Variants in CSMD3 observed in about 807,000 individuals in gnomAD.
CSMD3 encodes CUB and Sushi multiple domains 3, also known as CUB and sushi domain-containing protein 3.
Under a neutral mutation model 435.2 loss-of-function variants are expected in CSMD3, and 177 were observed. The observed-to-expected ratio is 0.41, with a 90% CI of 0.36 to 0.46. CSMD3 has a LOEUF of 0.46. CSMD3 is among the 20% of genes least tolerant of loss of function. CSMD3 has a pLI of 0.34. For synonymous variants in CSMD3, 1,656 were observed against 1,520.5 expected (o/e 1.09, Z -2.07); for missense variants, 4,265 against 4,504.6 (o/e 0.95, Z 1.52).
intron 32 of CSMD3, among the ~76,000 whole-genome samples, chr8:112,419,460 T>C (rs935960197): frequency 2.0e-5 from 3 of 152,208 alleles, no homozygotes; most frequent in African/African-American, 7.2e-5. Flanking sequence ...TTGACTATGG[T>C]ACCCAATTAT....
At chr8:113,389,238 A>G (rs927016197) in intron 1 of CSMD3, among the ~76,000 whole-genome samples, 1 of 151,654 alleles carries the variant, frequency 6.6e-6, no homozygotes, top group Non-Finnish European at 1.5e-5. Context: ...AATACTTTAA[A>G]CACAAACTTT....
chr8:112,854,127 C>T (rs2080577805), intron 11 of CSMD3, among the ~76,000 whole-genome samples: 1 of 152,188 alleles, frequency 6.6e-6, no homozygotes, highest in Admixed American at 6.5e-5. Context: ...TTATGCATTA[C>T]ATATGCAATG....
intron 32 of CSMD3, among the ~76,000 whole-genome samples, chr8:112,434,268 C>T (rs932719503): frequency 6.6e-6 from 1 of 151,972 alleles, no homozygotes; most frequent in Non-Finnish European, 1.5e-5. Context: ...TAATGCAAAC[C>T]CCTGGCATAA....
intron 5 of CSMD3, among the ~76,000 whole-genome samples, chr8:113,055,401 G>A (rs1432688937): frequency 3.9e-5 from 6 of 152,110 alleles, no homozygotes; most frequent in Admixed American, 3.9e-4. Flanking sequence ...CACAAAATTT[G>A]ATAACTCCTC....
chr8:112,446,890 T>C (rs1425743247), intron 32 of CSMD3, among the ~76,000 whole-genome samples: 1 of 152,174 alleles, frequency 6.6e-6, no homozygotes, highest in Admixed American at 6.6e-5. Flanking sequence ...GGGCTAGTTC[T>C]TATCATTTGG....
At chr8:112,987,759 C>T (rs898026341) in intron 6 of CSMD3, among the ~76,000 whole-genome samples, 1 of 152,038 alleles carries the variant, frequency 6.6e-6, no homozygotes. Context: ...TTTCCATCAC[C>T]TCCTTTCTCA....
chr8:113,327,880 C>T (rs2093994965), intron 1 of CSMD3, among the ~76,000 whole-genome samples: 1 of 152,054 alleles, frequency 6.6e-6, no homozygotes. Flanking sequence ...TGGGGAAAGA[C>T]GTGCTCACAG....
intron 13 of CSMD3, among the ~76,000 whole-genome samples, chr8:112,799,128 A>T (rs1481672763): frequency 6.6e-6 from 1 of 151,892 alleles, no homozygotes; most frequent in African/African-American, 2.4e-5. Flanking sequence ...TAAAACTATA[A>T]TCAAGCTAAC....
At chr8:112,575,372 G>A (rs1391200421) in intron 23 of CSMD3, among the ~76,000 whole-genome samples, 1 of 152,000 alleles carries the variant, frequency 6.6e-6, no homozygotes, top group Admixed American at 6.6e-5. Flanking sequence ...AGAGAAGGTA[G>A]AAATAAGAGA....
chr8:112,730,325 TCGCTA>T (rs1318793262), intron 13 of CSMD3, among the ~76,000 whole-genome samples: 33 of 152,088 alleles, frequency 2.2e-4, no homozygotes, highest in Non-Finnish European at 4.1e-4. Context: ...GACTGAGAAG[TCGCTA>T]GTGGAAATGT....
At chr8:112,304,619 T>C (rs1586715214) in intron 52 of CSMD3, 102 bp downstream of exon 52, 1 of 870,794 alleles carries the variant, frequency 1.1e-6, no homozygotes, top group Non-Finnish European at 1.9e-6. Context: ...ATTAGTAATG[T>C]CATCCAATTA....
chr8:112,450,055 T>C (rs539741863), intron 32 of CSMD3, among the ~76,000 whole-genome samples: 1 of 152,290 alleles, frequency 6.6e-6, no homozygotes, highest in South Asian at 2.1e-4. Flanking sequence ...ATAAAACTGA[T>C]CATAGTTAAG....
intron 20 of CSMD3, 72 bp downstream of exon 20, chr8:112,645,032 TAAAGG>T (rs1177400801): frequency 1.2e-6 from 1 of 828,660 alleles, no homozygotes; most frequent in African/African-American, 1.7e-5. Context: ...AAATAACATG[TAAAGG>T]AAAGTGAAAT....
At chr8:112,237,390 C>A (rs995791997) in intron 66 of CSMD3, 42 bp from the exon 67 acceptor site, 2 of 1,388,298 alleles carry the variant, frequency 1.4e-6, no homozygotes, top group East Asian at 4.6e-5. Flanking sequence ...TTTTACAATG[C>A]CATATAAATA....
At chr8:112,630,242 A>G (rs2074476707) in intron 22 of CSMD3, among the ~76,000 whole-genome samples, 1 of 152,194 alleles carries the variant, frequency 6.6e-6, no homozygotes, top group Non-Finnish European at 1.5e-5. Context: ...TTACTCATCA[A>G]TAAAAATCTA....
chr8:112,959,739 ATAAC>A (rs2084160300), intron 7 of CSMD3, among the ~76,000 whole-genome samples: 1 of 151,900 alleles, frequency 6.6e-6, no homozygotes, highest in Admixed American at 6.6e-5. Context: ...GATATTGAAA[ATAAC>A]TAACATGTCT....
intron 13 of CSMD3, among the ~76,000 whole-genome samples, chr8:112,796,172 CA>C (rs1157711107): frequency 5.9e-5 from 9 of 152,064 alleles, no homozygotes; most frequent in Non-Finnish European, 1.2e-4. Flanking sequence ...CTCTCAAAAT[CA>C]CTTAGGATAT....
intron 3 of CSMD3, among the ~76,000 whole-genome samples, chr8:113,178,816 A>C (rs2092383924): frequency 6.6e-6 from 1 of 151,928 alleles, no homozygotes; most frequent in Non-Finnish European, 1.5e-5. Flanking sequence ...GGTAGTGTAG[A>C]AACTAGATTG....
At chr8:113,248,206 C>T (rs982301998) in intron 3 of CSMD3, among the ~76,000 whole-genome samples, 4 of 151,632 alleles carry the variant, frequency 2.6e-5, no homozygotes, top group South Asian at 4.2e-4. Flanking sequence ...AACTGGCTCT[C>T]GTTAGTAAGA....
Sources: allele counts gnomAD v4.1 joint callset (sites outside exome capture counted in the v4.1 genomes callset), GRCh38; gene constraint gnomAD v4.1.1; transcripts MANE v1.5; gene names NCBI Gene and HGNC (gene_info 2026-07-23, HGNC 2026-07-21).